The following ECPAS variants were observed in gnomAD, a reference collection of about 807,000 sequenced individuals.
ECPAS encodes Ecm29 proteasome adaptor and scaffold, also known as proteasome adapter and scaffold protein ECM29.
Under a neutral mutation model 255.1 loss-of-function variants are expected in ECPAS, and 70 were observed. That is an observed-to-expected ratio of 0.27 (90% CI 0.23 to 0.33). The LOEUF (loss-of-function observed/expected upper bound fraction) is 0.33, where lower values mean the gene tolerates loss of function less well. Ranked by LOEUF, ECPAS falls within the 10% of genes least tolerant of loss-of-function variation. The pLI, the probability that ECPAS is intolerant of heterozygous loss-of-function variation, is 1.00. For synonymous variants in ECPAS, 784 were observed against 775.0 expected (o/e 1.01, Z -0.19); for missense variants, 1,817 against 2,206.4 (o/e 0.82, Z 3.54).
intron 10 of ECPAS, among the ~76,000 whole-genome samples, chr9:111,426,901 C>G (rs2098222507): frequency 6.6e-6 from 1 of 152,016 alleles, no homozygotes; most frequent in Admixed American, 6.6e-5. Flanking sequence ...GCTTGGGAGG[C>G]AGAGGCTGCA....
chr9:111,440,782 A>C (rs1210947087), intron 5 of ECPAS, among the ~76,000 whole-genome samples: 1 of 152,200 alleles, frequency 6.6e-6, no homozygotes, highest in East Asian at 1.9e-4. Context: ...AAATACATCA[A>C]ATGGGCTCAG....
chr9:111,379,791 C>T (rs947109919), intron 35 of ECPAS, among the ~76,000 whole-genome samples: 6 of 152,148 alleles, frequency 3.9e-5, no homozygotes, highest in African/African-American at 1.2e-4. Flanking sequence ...CTCATGAAAC[C>T]ACTTTCTTTG....
At chr9:111,365,755 A>G (rs574694056) in intron 48 of ECPAS, 1 of 153,120 alleles carries the variant, frequency 6.5e-6, no homozygotes, top group Non-Finnish European at 1.5e-5. Context: ...AAAAAACTGC[A>G]TCCATGTTTA....
At chr9:111,413,569 G>C (rs1359023861) in intron 20 of ECPAS, among the ~76,000 whole-genome samples, 3 of 151,840 alleles carry the variant, frequency 2.0e-5, no homozygotes, top group Admixed American at 6.6e-5. Context: ...GGTTGGAGAT[G>C]GTTACGGAAA....
At chr9:111,426,364 A>G (rs986267424) in intron 10 of ECPAS, among the ~76,000 whole-genome samples, 3 of 151,292 alleles carry the variant, frequency 2.0e-5, no homozygotes, top group Non-Finnish European at 4.4e-5. Context: ...AAGATTACTT[A>G]CACTAAAAAA....
intron 38 of ECPAS, 93 bp downstream of exon 38, chr9:111,375,020 G>T: frequency 1.1e-6 from 1 of 898,076 alleles, no homozygotes; most frequent in Non-Finnish European, 1.8e-6. Flanking sequence ...TAGATTTTGT[G>T]GTAAAACATG....
At chr9:111,418,123 A>C (rs2098207260) in intron 16 of ECPAS, 117 bp from the exon 17 acceptor site, 6 of 926,968 alleles carry the variant, frequency 6.5e-6, no homozygotes, top group Non-Finnish European at 9.3e-6. Flanking sequence ...AATGTCTTAA[A>C]TACATTCTTG....
In ECPAS at chr9:111,375,150, C is replaced by T. The variant is rs774708228; in HGVS notation, c.4073G>A (p.Cys1358Tyr). 7 of 1,613,748 alleles carry T rather than the reference C, an allele frequency of 4.3e-6. No homozygotes were observed. The South Asian group carries it at 7.7e-5, about 18-fold the overall frequency. Reference protein sequence around the residue: ...SVLGELVPRLCELIRSGVGLG... With the variant: ...SVLGELVPRLYELIRSGVGLG... Reference sequence around the variant, plus strand: ...ACCTACACCACTTCTGATCAGTTCACACAACCTAGGAACTAGCTCGCCCAG... The same window carrying T: ...ACCTACACCACTTCTGATCAGTTCATACAACCTAGGAACTAGCTCGCCCAG... The change falls in exon 38 of 50, where the codon TGT (cysteine) becomes TAT (tyrosine). Residue 1358 changes from cysteine (C) to tyrosine (Y), a missense_variant. Around this residue, in one of 4 missense-constraint regions of ECPAS, gnomAD observed 960 missense variants for 1,179.0 expected, o/e 0.81. Transcript: ENST00000684092.
chr9:111,398,947 A>AT (rs1311489181), intron 24 of ECPAS, among the ~76,000 whole-genome samples: 7 of 152,168 alleles, frequency 4.6e-5, no homozygotes, highest in Non-Finnish European at 1.0e-4. Flanking sequence ...AAAAAAAAAA[A>AT]GAATGAATGA....
intron 36 of ECPAS, 143 bp downstream of exon 36, chr9:111,378,437 C>A (rs1000442408): frequency 2.5e-4 from 197 of 797,226 alleles, no homozygotes; most frequent in Non-Finnish European, 3.5e-4. Flanking sequence ...AACCTCTCTC[C>A]AAAAAAACAG....
intron 6 of ECPAS, among the ~76,000 whole-genome samples, chr9:111,439,578 G>GT (rs2098242985): frequency 6.6e-6 from 1 of 152,110 alleles, no homozygotes; most frequent in Non-Finnish European, 1.5e-5. Flanking sequence ...CCAGGATGCT[G>GT]TTTTTCAAAG....
At chr9:111,410,270 G>A (rs1201010776) in intron 22 of ECPAS, 57 bp from the exon 23 acceptor site, 1 of 1,453,746 alleles carries the variant, frequency 6.9e-7, no homozygotes, top group East Asian at 2.4e-5. Flanking sequence ...ACGACCCAAA[G>A]CAACCAGTGA....
chr9:111,416,723 C>G (rs1312903815), intron 17 of ECPAS, among the ~76,000 whole-genome samples: 1 of 152,146 alleles, frequency 6.6e-6, no homozygotes, highest in Non-Finnish European at 1.5e-5. Flanking sequence ...ATGTGGAAAA[C>G]AGAATCATGG....
At chr9:111,465,275 C>T (rs143891691) in intron 2 of ECPAS, among the ~76,000 whole-genome samples, 2,157 of 152,154 alleles carry the variant, frequency 0.014, 61 homozygotes, top group African/African-American at 0.05. Flanking sequence ...CACAGTGGCT[C>T]ATGCCTGTAA....
intron 45 of ECPAS, 27 bp from the exon 46 acceptor site, chr9:111,369,200 G>A: frequency 6.8e-7 from 1 of 1,471,852 alleles, no homozygotes; most frequent in Non-Finnish European, 9.0e-7. Context: ...AAAAGAAAAT[G>A]TAATATTTTC....
At chr9:111,407,429 A>AAAAAAAAAAAAAAG (rs1274675823) in intron 24 of ECPAS, among the ~76,000 whole-genome samples, 3 of 127,844 alleles carry the variant, frequency 2.3e-5, no homozygotes, top group African/African-American at 7.8e-5. Context: ...AAAAAAAAAA[A>AAAAAAAAAAAAAAG]AAAAAAAAAC....
rs368360555 is a variant in ECPAS at position 111,411,098 on chromosome 9, C to T, written c.2259G>A (p.Thr753=). The T allele has an allele frequency of 2.2e-5, 36 of 1,613,722 alleles. No individual in the cohort carries two copies. In the South Asian group the frequency reaches 2.9e-4, roughly 13 times the overall value. Residue 753 remains threonine, a synonymous_variant, in exon 22 of 50, where the codon ACG becomes ACA. Coordinates refer to ENST00000684092, the MANE Select transcript of ECPAS (RefSeq NM_001364929.1). ...QHGSLLALGF[T]VGRYLAKKKM... ...TCTTTTTAGCCAAATACCTTCCCAC[C>T]GTGAATCCCAATGCAAGCAAGGATC...
chr9:111,468,967 G>A (rs2098282943), intron 2 of ECPAS, among the ~76,000 whole-genome samples: 1 of 152,116 alleles, frequency 6.6e-6, no homozygotes, highest in Non-Finnish European at 1.5e-5. Flanking sequence ...AATCTAACCA[G>A]ATACTAACCG....
chr9:111,422,915 T>A (rs1395437336), intron 13 of ECPAS, among the ~76,000 whole-genome samples: 2 of 152,142 alleles, frequency 1.3e-5, no homozygotes, highest in African/African-American at 4.8e-5. Context: ...TTAAGGTCAA[T>A]CAAAAGTCTC....
Sources: gnomAD v4.1 joint callset for allele counts (sites outside exome capture counted in the v4.1 genomes callset) on GRCh38, gnomAD v4.1.1 for gene constraint, gnomAD v4.1.1 regional missense constraint, MANE v1.5 for transcripts, NCBI Gene and HGNC (gene_info 2026-07-23, HGNC 2026-07-21) for gene names.